The following ALKBH8 variants were observed in gnomAD, a reference collection of about 807,000 sequenced individuals.
ALKBH8 encodes alkB homolog 8, tRNA methyltransferase.
Under a neutral mutation model 59.8 loss-of-function variants are expected in ALKBH8, and 36 were observed. The ratio of observed to expected loss-of-function variants is 0.60; its 90% confidence interval spans 0.46 to 0.79. ALKBH8 has a LOEUF of 0.79. Ranked by LOEUF, ALKBH8 falls within the 30% of genes least tolerant of loss-of-function variation. ALKBH8 has a pLI of 0.00. For synonymous variants in ALKBH8, 276 were observed against 273.6 expected, an observed-to-expected ratio of 1.01 and a Z score of -0.09; for missense variants, 768 against 801.0, an observed-to-expected ratio of 0.96 and a Z score of 0.50.
chr11:107,565,507 A>G (rs1865096284), intron 1 of ALKBH8, 94 bp downstream of exon 1: 1 of 1,520,704 alleles, frequency 6.6e-7, no homozygotes, highest in Admixed American at 2.0e-5. Flanking sequence ...TCTCAGCCCT[A>G]GCTGGCAAGG....
At chr11:107,510,745 C>T in intron 11 of ALKBH8, 142 bp downstream of exon 11, 1 of 925,176 alleles carries the variant, frequency 1.1e-6, no homozygotes, top group Non-Finnish European at 1.6e-6. Context: ...TGCATGCTCT[C>T]TTACAAAGAG....
At chr11:107,563,150 C>T (rs141154339) in intron 1 of ALKBH8, among the ~76,000 whole-genome samples, 53 of 152,272 alleles carry the variant, frequency 3.5e-4, no homozygotes, top group African/African-American at 1.3e-3. Flanking sequence ...AGGAAAGGAA[C>T]TGAGGTTAAA....
At chr11:107,531,767 T>G (rs1342167165) in intron 8 of ALKBH8, among the ~76,000 whole-genome samples, 1 of 152,218 alleles carries the variant, frequency 6.6e-6, no homozygotes, top group African/African-American at 2.4e-5. Flanking sequence ...GGGCCACACA[T>G]AGTCTCTGTC....
At chr11:107,542,180 A>AT in intron 7 of ALKBH8, among the ~76,000 whole-genome samples, 1 of 152,288 alleles carries the variant, frequency 6.6e-6, no homozygotes, top group Non-Finnish European at 1.5e-5. Context: ...ATTTTCCAAA[A>AT]TTGATGGAAA....
intron 10 of ALKBH8, among the ~76,000 whole-genome samples, chr11:107,519,553 T>C (rs954040240): frequency 6.6e-6 from 1 of 152,090 alleles, no homozygotes; most frequent in African/African-American, 2.4e-5. Context: ...ATACTACAGG[T>C]TGAATATCCC....
intron 10 of ALKBH8, among the ~76,000 whole-genome samples, chr11:107,520,716 TA>T (rs1328044578): frequency 1.3e-5 from 2 of 152,188 alleles, no homozygotes; most frequent in Non-Finnish European, 2.9e-5. Flanking sequence ...AATTAAAATT[TA>T]ATTGTAAACA....
chr11:107,548,374 T>C (rs975140250), intron 7 of ALKBH8, among the ~76,000 whole-genome samples: 1 of 152,228 alleles, frequency 6.6e-6, no homozygotes, highest in Admixed American at 6.5e-5. Flanking sequence ...TGCCATCAGT[T>C]TTCTCAGTAG....
chr11:107,543,197 C>T (rs940954726), intron 7 of ALKBH8, among the ~76,000 whole-genome samples: 2 of 152,002 alleles, frequency 1.3e-5, no homozygotes, highest in Non-Finnish European at 2.9e-5. Context: ...ATCAGCCACG[C>T]GTGGTGGTGG....
intron 9 of ALKBH8, 27 bp downstream of exon 9, chr11:107,525,414 A>G (rs2135508818): frequency 6.6e-7 from 1 of 1,508,318 alleles, no homozygotes; most frequent in Non-Finnish European, 8.9e-7. Flanking sequence ...ACTCCATTTT[A>G]CAGACGAGAT....
At chr11:107,519,723 A>G (rs1193021615) in intron 10 of ALKBH8, among the ~76,000 whole-genome samples, 1 of 152,214 alleles carries the variant, frequency 6.6e-6, no homozygotes, top group African/African-American at 2.4e-5. Context: ...TTGCTACTCA[A>G]AAAGTTTCAG....
chr11:107,548,799 A>G (rs1362830343), intron 7 of ALKBH8, among the ~76,000 whole-genome samples: 1 of 152,136 alleles, frequency 6.6e-6, no homozygotes, highest in African/African-American at 2.4e-5. Flanking sequence ...CTCTAATTAG[A>G]TTAGATGACC....
intron 9 of ALKBH8, 139 bp from the exon 10 acceptor site, chr11:107,522,694 T>C: frequency 9.3e-7 from 1 of 1,072,874 alleles, no homozygotes; most frequent in Non-Finnish European, 1.3e-6. Flanking sequence ...AAGAAAAAGT[T>C]CTTCCCTAAT....
chr11:107,537,746 CAT>C (rs1217434765), intron 7 of ALKBH8, among the ~76,000 whole-genome samples: 2 of 151,300 alleles, frequency 1.3e-5, no homozygotes, highest in Non-Finnish European at 2.9e-5. Flanking sequence ...TTGGTGATTC[CAT>C]ATGAGTTACA....
chr11:107,532,176 C>T (rs1863621671), intron 8 of ALKBH8, 124 bp downstream of exon 8: 2 of 650,722 alleles, frequency 3.1e-6, no homozygotes, highest in Non-Finnish European at 5.1e-6. Context: ...TAGATAGATG[C>T]CCCTAGGAGT....
chr11:107,556,816 A>T lies in ALKBH8; in HGVS notation c.317T>A (p.Val106Glu). Reference sequence around the variant, plus strand: ...AGTGATCTTTTGTCCTAAATCATCCACTACTTCTTTTCCATTGAGGGTAAC... The same window carrying T: ...AGTGATCTTTTGTCCTAAATCATCCTCTACTTCTTTTCCATTGAGGGTAAC... ...AYVTLNGKEV[V>E]DDLGQKITLY... is the part of the protein sequence containing the mutation. Residue 106 changes from valine to glutamate, a missense_variant, in exon 3 of 12, where the codon GTG (valine) becomes GAG (glutamate). Physicochemically the swap from Val to Glu is moderately radical, Grantham distance 121. Transcript: ENST00000428149. 1.3e-6 allele frequency: 2 copies of T among 1,493,548 alleles called. No homozygotes were observed. Among genetic ancestry groups the T allele is most frequent in the Non-Finnish European group, 1.8e-6 (2 of 1,117,034 alleles). The allele number at this position is 1,493,548 out of a possible 1,614,324, so 92.5% of individuals were successfully genotyped here. A position where few individuals can be genotyped will look rare whatever the true frequency, so the allele number is the denominator to read the frequency against.
intron 4 of ALKBH8, 140 bp downstream of exon 4, chr11:107,553,707 G>A: frequency 1.2e-6 from 1 of 831,404 alleles, no homozygotes; most frequent in Non-Finnish European, 1.8e-6. Flanking sequence ...CCTAAGAATT[G>A]TTGGTATGAC....
At chr11:107,521,797 G>A (rs1863122380) in intron 10 of ALKBH8, among the ~76,000 whole-genome samples, 1 of 152,108 alleles carries the variant, frequency 6.6e-6, no homozygotes, top group South Asian at 2.1e-4. Flanking sequence ...TCAACAGTAA[G>A]ATACCAATAA....
intron 3 of ALKBH8, 70 bp downstream of exon 3, chr11:107,556,696 C>T: frequency 8.8e-7 from 1 of 1,140,266 alleles, no homozygotes; most frequent in Admixed American, 3.0e-5. Context: ...AACTGAACCT[C>T]CCAACTTAAG....
intron 7 of ALKBH8, among the ~76,000 whole-genome samples, chr11:107,542,829 G>A (rs1282756105): frequency 6.6e-6 from 1 of 152,156 alleles, no homozygotes; most frequent in Non-Finnish European, 1.5e-5. Flanking sequence ...AGGGTTGCTT[G>A]AGACTGGGAG....
Sources: allele counts gnomAD v4.1 joint callset (sites outside exome capture counted in the v4.1 genomes callset), GRCh38; gene constraint gnomAD v4.1.1; transcripts MANE v1.5; gene names NCBI Gene and HGNC (gene_info 2026-07-23, HGNC 2026-07-21).